The following ITPR2 variants were observed in gnomAD, a reference collection of about 807,000 sequenced individuals.
ITPR2 encodes inositol 1,4,5-trisphosphate-gated calcium channel ITPR2.
In ITPR2, 207 loss-of-function variants were observed where a neutral mutation model predicts 317.1. The ratio of observed to expected loss-of-function variants is 0.65; its 90% CI spans 0.58 to 0.73. The LOEUF (loss-of-function observed/expected upper bound fraction) is 0.73. Ranked by LOEUF, ITPR2 falls within the 30% of genes least tolerant of loss-of-function variation. The pLI is 0.00. For synonymous variants in ITPR2, 1,156 were observed against 1,149.1 expected (o/e 1.01, Z -0.12); for missense variants, 2,613 against 3,284.0 (o/e 0.80, Z 4.99).
intron 37 of ITPR2, among the ~76,000 whole-genome samples, chr12:26,516,169 G>A (rs1203095304): frequency 2.5e-5 from 3 of 118,116 alleles, no homozygotes; most frequent in African/African-American, 8.9e-5. Flanking sequence ...AAGGGGAGAG[G>A]AGAGGGGAGG....
At chr12:26,491,946 C>G (rs1326952312) in intron 39 of ITPR2, among the ~76,000 whole-genome samples, 4 of 152,060 alleles carry the variant, frequency 2.6e-5, no homozygotes, top group Non-Finnish European at 5.9e-5. Context: ...TAGTCTAGAA[C>G]GTCAGTAAGT....
chr12:26,631,128 A>C (rs1946742886), intron 22 of ITPR2, among the ~76,000 whole-genome samples: 1 of 152,206 alleles, frequency 6.6e-6, no homozygotes, highest in African/African-American at 2.4e-5. Flanking sequence ...TAGGTACTTG[A>C]AAACTTCAAA....
Position 26,476,157 on chromosome 12 carries a change from T to A in ITPR2, c.6220-739A>T, listed in dbSNP as rs978624796. Among the ~76,000 whole-genome samples, 4 of 152,252 alleles carry A rather than the reference T, an allele frequency of 2.6e-5. No homozygotes were observed. The South Asian group carries it at 8.3e-4, about 31-fold the overall frequency. On this transcript the variant is annotated intron_variant, in intron 44 of 56. Transcript: ENST00000381340. ...TCAAACTTCACTTTGTCTCTCTTTTTGTCTGCCCTCCTCAACTCCATTCTT... is the reference window on the plus strand; with the variant it reads ...TCAAACTTCACTTTGTCTCTCTTTTAGTCTGCCCTCCTCAACTCCATTCTT...
intron 2 of ITPR2, among the ~76,000 whole-genome samples, chr12:26,777,821 A>G (rs994266783): frequency 6.6e-6 from 1 of 152,140 alleles, no homozygotes; most frequent in African/African-American, 2.4e-5. Context: ...CTGACAATTT[A>G]TACTGTTAAT....
intron 21 of ITPR2, among the ~76,000 whole-genome samples, chr12:26,652,526 T>C (rs755805664): frequency 6.6e-5 from 10 of 152,214 alleles, no homozygotes; most frequent in Admixed American, 1.3e-4. Flanking sequence ...GCTCCACCCA[T>C]GTCCCCTTTT....
intron 41 of ITPR2, among the ~76,000 whole-genome samples, chr12:26,485,032 G>A (rs1370889734): frequency 6.9e-6 from 1 of 145,074 alleles, no homozygotes; most frequent in East Asian, 1.9e-4. Flanking sequence ...CATAGAATAT[G>A]ATTTTTAAAA....
Position 26,550,304 on chromosome 12 carries a change from A to C in ITPR2, c.5016T>G (p.Ile1672Met). Reference protein sequence around the residue: ...KLMEKEEKLCIKILQTLREML... With the variant: ...KLMEKEEKLCMKILQTLREML... ...TTTCTCGTAATGTCTGAAGAATTTT[A>C]ATGCACAGTTTTTCTTCTTTCTCCA... Residue 1672 changes from isoleucine (I) to methionine (M), a missense_variant, in exon 37 of 57, where the codon ATT (isoleucine) becomes ATG (methionine). Ile to Met is a conservative substitution (Grantham distance 10). Coordinates refer to ENST00000381340, the MANE Select transcript of ITPR2 (RefSeq NM_002223.4). 6.4e-7 allele frequency: 1 copy of C among 1,550,888 alleles called. No individual in the cohort carries two copies. The highest frequency in any genetic ancestry group is 8.9e-7 in the Non-Finnish European group (1 of 1,129,104).
intron 45 of ITPR2, among the ~76,000 whole-genome samples, chr12:26,460,340 A>G (rs1243355069): frequency 2.6e-5 from 4 of 152,204 alleles, no homozygotes; most frequent in African/African-American, 9.6e-5. Flanking sequence ...GTGCACGCCC[A>G]TGGAGGAGAG....
chr12:26,830,725 G>T (rs1302573633), intron 1 of ITPR2, among the ~76,000 whole-genome samples: 5 of 152,108 alleles, frequency 3.3e-5, no homozygotes, highest in Admixed American at 2.0e-4. Flanking sequence ...TCTTTTCTTT[G>T]TCTAGGTTTT....
chr12:26,513,273 T>C (rs960982859), intron 37 of ITPR2, among the ~76,000 whole-genome samples: 16 of 152,200 alleles, frequency 1.1e-4, no homozygotes, highest in Non-Finnish European at 4.4e-5. Context: ...GCCATTTCCA[T>C]CCTGCATTTT....
intron 21 of ITPR2, among the ~76,000 whole-genome samples, chr12:26,634,667 CT>C (rs1248725775): frequency 6.6e-6 from 1 of 152,008 alleles, no homozygotes; most frequent in Admixed American, 6.6e-5. Context: ...GGGTGGATCA[CT>C]TGAGGCCAGG....
At chr12:26,810,028 A>T (rs1055716041) in intron 1 of ITPR2, among the ~76,000 whole-genome samples, 1 of 152,254 alleles carries the variant, frequency 6.6e-6, no homozygotes, top group Non-Finnish European at 1.5e-5. Context: ...CTGAAAGGCC[A>T]CATCCACGCA....
At position 26,724,670 on chromosome 12, in the gene ITPR2, T is replaced by C. The variant is rs768282329; in HGVS notation, c.352A>G (p.Ser118Gly). ...KKLLGEIVKY[S>G]NVIQLLHIKS... ...AAAATACTTACTTGTATAACATTACTGTATTTTACAATTTCTCCCAACAGT... is the reference window on the plus strand; with the variant it reads ...AAAATACTTACTTGTATAACATTACCGTATTTTACAATTTCTCCCAACAGT... The change falls in exon 4 of 57, where the codon AGT becomes GGT. Residue 118 changes from serine to glycine, a missense_variant. By Grantham distance (56) the Ser-to-Gly change is moderately conservative. Coordinates refer to ENST00000381340, the MANE Select transcript of ITPR2 (RefSeq NM_002223.4). The C allele has an allele frequency of 5.1e-6, 8 of 1,579,226 alleles. No homozygotes were observed. The highest frequency in any genetic ancestry group is 3.4e-5 in the Admixed American group (2 of 59,390).
At chr12:26,509,663 G>C (rs1432641251) in intron 37 of ITPR2, among the ~76,000 whole-genome samples, 4 of 152,120 alleles carry the variant, frequency 2.6e-5, no homozygotes, top group Admixed American at 2.6e-4. Flanking sequence ...ACATGAAATT[G>C]TATGTGTCAA....
In ITPR2 at chr12:26,578,769, G is replaced by C. The variant is rs764033913; in HGVS notation, c.4574C>G (p.Pro1525Arg). The C allele has an allele frequency of 1.4e-5, 23 of 1,611,620 alleles. No homozygotes were observed. The highest frequency in any genetic ancestry group is 2.0e-5 in the Non-Finnish European group (23 of 1,178,160). ...SAFRIYNCTW[P>R]NPAQKASVES... ...CACTGAGGCTTTCTGCGCTGGGTTTGGCCAGGTGCAATTGTAAATTCTGAA... is the reference window on the plus strand; with the variant it reads ...CACTGAGGCTTTCTGCGCTGGGTTTCGCCAGGTGCAATTGTAAATTCTGAA... Residue 1525 changes from proline (P) to arginine (R), a missense_variant, in exon 34 of 57, where the codon CCA (proline) becomes CGA (arginine). By Grantham distance (103) the Pro-to-Arg change is moderately radical (BLOSUM62 -2). Coordinates refer to ENST00000381340, the MANE Select transcript of ITPR2 (RefSeq NM_002223.4).
intron 21 of ITPR2, among the ~76,000 whole-genome samples, chr12:26,647,063 T>C (rs1251346090): frequency 5.3e-5 from 8 of 152,160 alleles, no homozygotes; most frequent in Non-Finnish European, 1.0e-4. Flanking sequence ...TGAAAAGAAA[T>C]TGTAGTGGTG....
At chr12:26,602,240 G>C (rs1227921145) in intron 28 of ITPR2, 130 bp downstream of exon 28, 3 of 870,424 alleles carry the variant, frequency 3.4e-6, no homozygotes, top group Non-Finnish European at 5.2e-6. Flanking sequence ...AGGGCTCAGG[G>C]GTGATGGGGC....
Position 26,782,068 on chromosome 12 carries a change from A to C in ITPR2, c.163+8089T>G, listed in dbSNP as rs914465759. On this transcript the variant is annotated intron_variant, in intron 2 of 56. Transcript: ENST00000381340. ...GAGAGAGAGAGAGAGAGAGAGAGAG[A>C]GAGAGCGAGAGAGATCCTATTAGTT... Among the ~76,000 whole-genome samples, 147 of 137,748 alleles carry C rather than the reference A, an allele frequency of 1.1e-3. 1 individual carries two copies. The highest frequency in any genetic ancestry group is 7.3e-3 in the Middle Eastern group (2 of 274). The allele number at this position is 137,748 out of a possible 152,430, so 90.4% of individuals were successfully genotyped here.
chr12:26,576,321 T>C (rs1293223813), intron 34 of ITPR2, among the ~76,000 whole-genome samples: 2 of 152,226 alleles, frequency 1.3e-5, no homozygotes, highest in East Asian at 1.9e-4. Flanking sequence ...TTTATTTATC[T>C]CTCTGAACAC....
Sources: gnomAD v4.1 joint callset for allele counts (sites outside exome capture counted in the v4.1 genomes callset) on GRCh38, gnomAD v4.1.1 for gene constraint, MANE v1.5 for transcripts, NCBI Gene and HGNC (gene_info 2026-07-23, HGNC 2026-07-21) for gene names.